Variants in ZBTB7C observed in about 807,000 individuals in gnomAD.
The protein encoded by ZBTB7C is zinc finger and BTB domain-containing protein 7C.
Under a neutral mutation model 25.7 loss-of-function variants are expected in ZBTB7C, and 8 were observed. The observed-to-expected ratio is 0.31, with a 90% CI of 0.18 to 0.56. The LOEUF (loss-of-function observed/expected upper bound fraction) is 0.56, where lower values mean the gene tolerates loss of function less well. Among genes scored for constraint, ZBTB7C ranks in the 20% least tolerant of loss-of-function variants. The pLI, the probability that ZBTB7C is intolerant of heterozygous loss-of-function variation, is 0.91. For synonymous variants in ZBTB7C, 394 were observed against 369.0 expected (o/e 1.07, Z -0.78); for missense variants, 824 against 855.2 (o/e 0.96, Z 0.46).
In ZBTB7C at chr18:48,029,871, C is replaced by G; in HGVS notation, c.1249G>C (p.Glu417Gln). The G allele has an allele frequency of 6.2e-7, 1 of 1,611,618 alleles. No homozygotes were observed. Reference protein sequence around the residue: ...LKIHMRKHTGERPYLCIHCNA... With the variant: ...LKIHMRKHTGQRPYLCIHCNA... The stretch of plus-strand genomic sequence containing the variant: ...CAGTGGATGCACAGGTAGGGCCGCT[C>G]CCCTGTGTGCTTCCGCATGTGGATT... The change falls in exon 5 of 5, where the codon GAG becomes CAG. Residue 417 changes from glutamate (E) to glutamine (Q), a missense_variant. Physicochemically the swap from Glu to Gln is conservative, Grantham distance 29. Transcript: ENST00000590800.
intron 3 of ZBTB7C, among the ~76,000 whole-genome samples, chr18:48,184,566 T>A (rs768237592): frequency 3.9e-5 from 6 of 152,096 alleles, no homozygotes; most frequent in Non-Finnish European, 8.8e-5. Context: ...TTATGGAGAT[T>A]TATAACTAGC....
At position 48,248,259 on chromosome 18, in the gene ZBTB7C, C is replaced by A. The variant is rs981859732; in HGVS notation, c.-78-62264G>T. 3.9e-5 allele frequency among the ~76,000 whole-genome samples: 6 copies of A among 152,288 alleles called. 1 individual carries two copies. Among genetic ancestry groups the A allele is most frequent in the Admixed American group, 3.9e-4 (6 of 15,288 alleles). On this transcript the variant is annotated intron_variant, in intron 2 of 4. Transcript: ENST00000590800. ...CACCATGATTGTAATTTTCCTGAGG[C>A]CTCCCCAGCCATGCAAACTGTGAGT...
chr18:48,190,368 A>G (rs1258237741), intron 2 of ZBTB7C, among the ~76,000 whole-genome samples: 1 of 152,202 alleles, frequency 6.6e-6, no homozygotes, highest in African/African-American at 2.4e-5. Flanking sequence ...AATAGATTCA[A>G]CACATTTGTT....
At chr18:48,084,030 A>G (rs1465795411) in intron 3 of ZBTB7C, among the ~76,000 whole-genome samples, 1 of 152,202 alleles carries the variant, frequency 6.6e-6, no homozygotes, top group Non-Finnish European at 1.5e-5. Flanking sequence ...GAAGGAAACT[A>G]CCAGAACCTT....
intron 3 of ZBTB7C, among the ~76,000 whole-genome samples, chr18:48,065,235 G>A (rs1342537400): frequency 6.6e-6 from 1 of 152,022 alleles, no homozygotes; most frequent in African/African-American, 2.4e-5. Context: ...AGCAGTTTGT[G>A]TTGCTTATTT....
chr18:48,318,566 C>A (rs1301684240), intron 2 of ZBTB7C, among the ~76,000 whole-genome samples: 2 of 152,212 alleles, frequency 1.3e-5, no homozygotes, highest in African/African-American at 2.4e-5. Flanking sequence ...TCCCTCTGGT[C>A]CAGCCCAGCT....
chr18:48,239,460 G>C (rs577709280), intron 2 of ZBTB7C, among the ~76,000 whole-genome samples: 45 of 152,246 alleles, frequency 3.0e-4, no homozygotes, highest in African/African-American at 1.0e-3. Context: ...CCCTAACAAA[G>C]TCCACTTCAC....
chr18:48,310,182 A>G (rs1198548998), intron 2 of ZBTB7C, among the ~76,000 whole-genome samples: 1 of 151,974 alleles, frequency 6.6e-6, no homozygotes, highest in African/African-American at 2.4e-5. Context: ...GTGAGCCGAG[A>G]TCACGCCACT....
rs377722076 is a variant in ZBTB7C at position 48,043,536 on chromosome 18, A to T, written c.-16-2413T>A. ...TTATATAACATTCTTGAGATGATAA[A>T]GTTATAGAAATGGAGAAGAGATGAG... is the stretch of plus-strand genomic sequence containing the variant. On this transcript the variant is annotated intron_variant, in intron 3 of 4. Transcript: ENST00000590800. 2.0e-5 allele frequency among the ~76,000 whole-genome samples: 3 copies of T among 152,210 alleles called. No homozygotes were observed. The East Asian group carries it at 5.8e-4, about 29-fold the overall frequency.
intron 2 of ZBTB7C, among the ~76,000 whole-genome samples, chr18:48,198,608 G>A (rs1044649636): frequency 8.5e-5 from 13 of 152,098 alleles, no homozygotes; most frequent in Non-Finnish European, 1.8e-4. Context: ...CCTCGGGCGA[G>A]CCCTTCCCAT....
chr18:48,369,287 C>CA, intron 1 of ZBTB7C, among the ~76,000 whole-genome samples: 1 of 151,306 alleles, frequency 6.6e-6, no homozygotes, highest in Non-Finnish European at 1.5e-5. Context: ...AAAAATTATA[C>CA]AAAAATAAAC....
At chr18:48,317,632 C>A (rs966924011) in intron 2 of ZBTB7C, among the ~76,000 whole-genome samples, 14 of 152,200 alleles carry the variant, frequency 9.2e-5, no homozygotes, top group African/African-American at 3.4e-4. Context: ...ACGTGCCAAG[C>A]TTTACACATG....
chr18:48,058,737 G>A (rs757750367), intron 3 of ZBTB7C, among the ~76,000 whole-genome samples: 4 of 152,216 alleles, frequency 2.6e-5, no homozygotes, highest in Non-Finnish European at 4.4e-5. Flanking sequence ...ACAGGAAGGC[G>A]ATGGTGTGTG....
At position 48,235,256 on chromosome 18, in the gene ZBTB7C, G is replaced by GA. The variant is rs573286617; in HGVS notation, c.-78-49262dup. Among the ~76,000 whole-genome samples, 36 of 151,698 alleles carry GA rather than the reference G, an allele frequency of 2.4e-4. No homozygotes were observed. In the East Asian group the frequency reaches 6.2e-3, roughly 26 times the overall value. ...TTCCTCTCATTTATAACCTCCTTTA[G>GA]AAAAAATTGAGGTTTTAAAATTATA... On this transcript the variant is annotated intron_variant, in intron 2 of 4. Transcript: ENST00000590800.
At chr18:48,148,343 A>C (rs902287080) in intron 3 of ZBTB7C, 1 of 152,126 alleles carries the variant, frequency 6.6e-6, no homozygotes, top group Non-Finnish European at 1.5e-5. Flanking sequence ...TCTTCATGGA[A>C]TATATTTATT....
intron 2 of ZBTB7C, among the ~76,000 whole-genome samples, chr18:48,308,817 G>A (rs756126176): frequency 2.4e-4 from 37 of 152,246 alleles, no homozygotes; most frequent in Non-Finnish European, 4.1e-4. Flanking sequence ...GTACATTCTC[G>A]AGCCCCATCC....
chr18:48,261,632 G>A (rs1029982300), intron 2 of ZBTB7C, among the ~76,000 whole-genome samples: 12 of 151,788 alleles, frequency 7.9e-5, no homozygotes, highest in South Asian at 2.1e-4. Context: ...TGGAATCCTC[G>A]CCTCTGAGTC....
At chr18:48,318,792 G>C (rs4940354) in intron 2 of ZBTB7C, among the ~76,000 whole-genome samples, 1 of 152,034 alleles carries the variant, frequency 6.6e-6, no homozygotes, top group African/African-American at 2.4e-5. Flanking sequence ...GCACTCCTGA[G>C]TGAGGCCCCC....
At chr18:48,082,844 G>C (rs569463971) in intron 3 of ZBTB7C, among the ~76,000 whole-genome samples, 2 of 152,252 alleles carry the variant, frequency 1.3e-5, no homozygotes, top group African/African-American at 2.4e-5. Context: ...CACTTCAACT[G>C]CCCTCCACAG....
Sources: gnomAD v4.1 joint callset for allele counts (sites outside exome capture counted in the v4.1 genomes callset) on GRCh38, gnomAD v4.1.1 for gene constraint, MANE v1.5 for transcripts, NCBI Gene and HGNC (gene_info 2026-07-23, HGNC 2026-07-21) for gene names.